The following AFAP1 variants were observed in gnomAD, a reference collection of about 807,000 sequenced individuals.
AFAP1 encodes actin filament-associated protein 1.
In AFAP1, 75 loss-of-function variants were observed where a neutral mutation model predicts 93.9. The observed-to-expected ratio is 0.80, with a 90% CI of 0.66 to 0.97. The LOEUF (loss-of-function observed/expected upper bound fraction) is 0.97, where lower values mean the gene tolerates loss of function less well. Among genes scored for constraint, AFAP1 ranks in the 50% least tolerant of loss-of-function variants. The pLI is 0.00. For missense variants in AFAP1, 1,201 were observed against 1,050.8 expected, an observed-to-expected ratio of 1.14 and a Z score of -1.98; for synonymous variants, 517 against 430.7, an observed-to-expected ratio of 1.20 and a Z score of -2.48.
At chr4:7,906,029 G>A (rs1455421894) in intron 1 of AFAP1, among the ~76,000 whole-genome samples, 1 of 152,160 alleles carries the variant, frequency 6.6e-6, no homozygotes, top group Non-Finnish European at 1.5e-5. Flanking sequence ...AGGGAGAGAG[G>A]ACAAGATACC....
chr4:7,767,713 G>A (rs937606354), intron 17 of AFAP1, among the ~76,000 whole-genome samples: 3 of 152,118 alleles, frequency 2.0e-5, no homozygotes, highest in Admixed American at 1.3e-4. Context: ...GAGCACAGCA[G>A]GGGGGCGGCA....
At chr4:7,804,889 G>A (rs1253073176) in intron 9 of AFAP1, among the ~76,000 whole-genome samples, 1 of 152,202 alleles carries the variant, frequency 6.6e-6, no homozygotes, top group Non-Finnish European at 1.5e-5. Flanking sequence ...AGCTTTCGGA[G>A]AAACCAAATG....
chr4:7,809,222 C>T (rs1350939262), intron 9 of AFAP1, among the ~76,000 whole-genome samples: 1 of 151,920 alleles, frequency 6.6e-6, no homozygotes, highest in Non-Finnish European at 1.5e-5. Flanking sequence ...CCCCCCACCC[C>T]ACTTAGTTTT....
At chr4:7,932,672 C>T (rs535016316) in intron 1 of AFAP1, among the ~76,000 whole-genome samples, 1 of 152,282 alleles carries the variant, frequency 6.6e-6, no homozygotes, top group African/African-American at 2.4e-5. Context: ...GGACCTGTCT[C>T]CACTGCTATA....
At chr4:7,912,383 T>C (rs540340011) in intron 1 of AFAP1, among the ~76,000 whole-genome samples, 11 of 152,358 alleles carry the variant, frequency 7.2e-5, no homozygotes, top group African/African-American at 2.2e-4. Context: ...GTCAAACTGT[T>C]TTCCAGAATG....
intron 6 of AFAP1, among the ~76,000 whole-genome samples, chr4:7,833,467 A>G (rs1490530756): frequency 6.6e-6 from 1 of 152,184 alleles, no homozygotes; most frequent in East Asian, 1.9e-4. Flanking sequence ...TTACTCCTGC[A>G]AGAACGACCA....
At chr4:7,833,623 C>T in intron 6 of AFAP1, among the ~76,000 whole-genome samples, 1 of 149,250 alleles carries the variant, frequency 6.7e-6, no homozygotes. Flanking sequence ...GAGTCTTGCC[C>T]TGTCACCCAG....
chr4:7,808,180 C>T (rs1037502581), intron 9 of AFAP1, among the ~76,000 whole-genome samples: 2 of 152,204 alleles, frequency 1.3e-5, no homozygotes, highest in African/African-American at 4.8e-5. Context: ...CAGCACATTC[C>T]TATAATTTCT....
intron 6 of AFAP1, among the ~76,000 whole-genome samples, chr4:7,823,937 C>T (rs969729570): frequency 1.1e-4 from 16 of 152,184 alleles, no homozygotes; most frequent in Non-Finnish European, 1.8e-4. Context: ...GTCCAAGGTA[C>T]GAAGAAAGGC....
intron 1 of AFAP1, among the ~76,000 whole-genome samples, chr4:7,922,693 A>G (rs1391231161): frequency 6.6e-6 from 1 of 152,152 alleles, no homozygotes; most frequent in Non-Finnish European, 1.5e-5. Context: ...TAACAATGAA[A>G]AATCACTGGG....
In AFAP1 at chr4:7,853,014, G is replaced by A. The variant is rs112107677; in HGVS notation, c.334+2452C>T. Among the ~76,000 whole-genome samples the A allele has an allele frequency of 4.2e-3, 635 of 152,246 alleles. 7 individuals carry two copies. Among genetic ancestry groups the A allele is most frequent in the African/African-American group, 0.013 (551 of 41,544 alleles). Reference sequence around the variant, plus strand: ...ATGGTGAATCACGTTAGGCTCAAGCGTGCGCTGCTCGTCTCTACTTGGAAA... The same window carrying A: ...ATGGTGAATCACGTTAGGCTCAAGCATGCGCTGCTCGTCTCTACTTGGAAA... On this transcript the variant is annotated intron_variant, in intron 4 of 17. Transcript: ENST00000420658.
intron 1 of AFAP1, among the ~76,000 whole-genome samples, chr4:7,890,658 C>G (rs768219349): frequency 6.6e-6 from 1 of 152,112 alleles, no homozygotes; most frequent in African/African-American, 2.4e-5. Context: ...TGGTTACAGA[C>G]ATTTCAGGAA....
intron 10 of AFAP1, among the ~76,000 whole-genome samples, chr4:7,797,817 A>G (rs1011311304): frequency 4.6e-5 from 7 of 152,216 alleles, no homozygotes; most frequent in Non-Finnish European, 8.8e-5. Context: ...ATTTAGGGAT[A>G]AAAGCACAAC....
chr4:7,919,011 T>A (rs1249184193), intron 1 of AFAP1, among the ~76,000 whole-genome samples: 117 of 111,266 alleles, frequency 1.1e-3, no homozygotes, highest in African/African-American at 1.3e-3. Context: ...GGGCTGCGGA[T>A]GAGACACTCG....
At chr4:7,830,420 C>T (rs1014527240) in intron 6 of AFAP1, among the ~76,000 whole-genome samples, 2 of 152,184 alleles carry the variant, frequency 1.3e-5, no homozygotes, top group Middle Eastern at 3.4e-3. Flanking sequence ...CACGGCACCT[C>T]GGCCTGCAGT....
intron 9 of AFAP1, among the ~76,000 whole-genome samples, chr4:7,802,056 A>AAAG (rs34533776): frequency 2.6e-5 from 4 of 151,682 alleles, no homozygotes; most frequent in East Asian, 1.9e-4. Context: ...AAGACAAAAA[A>AAAG]AGAGAGGTAT....
At chr4:7,786,032 T>C (rs1330883959) in intron 12 of AFAP1, among the ~76,000 whole-genome samples, 162 bp downstream of exon 12, 1 of 152,232 alleles carries the variant, frequency 6.6e-6, no homozygotes, top group African/African-American at 2.4e-5. Context: ...ATAAACAGCA[T>C]GTCAGAAACC....
At chr4:7,809,523 G>A in intron 9 of AFAP1, 91 bp downstream of exon 9, 1 of 1,434,904 alleles carries the variant, frequency 7.0e-7, no homozygotes. Context: ...AAATTAACGA[G>A]CCTTGGATGA....
At chr4:7,912,589 G>C (rs1719797073) in intron 1 of AFAP1, among the ~76,000 whole-genome samples, 1 of 152,176 alleles carries the variant, frequency 6.6e-6, no homozygotes, top group African/African-American at 2.4e-5. Flanking sequence ...TATCTGAAAT[G>C]TCTCTTCATG....
Sources: gnomAD v4.1 joint callset for allele counts (sites outside exome capture counted in the v4.1 genomes callset) on GRCh38, gnomAD v4.1.1 for gene constraint, MANE v1.5 for transcripts, NCBI Gene and HGNC (gene_info 2026-07-23, HGNC 2026-07-21) for gene names.